NAMPT: variants seen among roughly 807,000 people sequenced by gnomAD.
NAMPT encodes nicotinamide phosphoribosyltransferase.
Under a neutral mutation model 58.7 loss-of-function variants are expected in NAMPT, and 7 were observed. The ratio of observed to expected loss-of-function variants is 0.12; its 90% CI spans 0.07 to 0.22. The LOEUF (loss-of-function observed/expected upper bound fraction) is 0.22. NAMPT is among the 10% of genes least tolerant of loss of function. The pLI is 1.00. For synonymous variants in NAMPT, 145 were observed against 198.1 expected (o/e 0.73, Z 2.25); for missense variants, 271 against 567.9 (o/e 0.48, Z 5.31).
At chr7:106,282,698 A>C (rs1314414727) in intron 1 of NAMPT, among the ~76,000 whole-genome samples, 2 of 152,238 alleles carry the variant, frequency 1.3e-5, no homozygotes, top group African/African-American at 4.8e-5. Context: ...GCTTGCTACC[A>C]TACCATCTAC....
chr7:106,268,921 G>A (rs1792478385), intron 5 of NAMPT, among the ~76,000 whole-genome samples: 1 of 152,082 alleles, frequency 6.6e-6, no homozygotes, highest in African/African-American at 2.4e-5. Context: ...TATTATGTCT[G>A]TTTCTGGCTA....
intron 6 of NAMPT, among the ~76,000 whole-genome samples, chr7:106,265,508 T>A (rs1792392751): frequency 6.7e-6 from 1 of 149,634 alleles, no homozygotes; most frequent in African/African-American, 2.5e-5. Context: ...ATATTTCTCA[T>A]AGTTCTGACT....
rs994013180 is a variant in NAMPT, at chr7:106,282,129, C to G, written c.57+2699G>C. Among the ~76,000 whole-genome samples the G allele has an allele frequency of 1.4e-4, 21 of 151,948 alleles. 1 individual carries two copies. Among genetic ancestry groups the G allele is most frequent in the Admixed American group, 1.2e-3 (19 of 15,274 alleles). Reference sequence around the variant, plus strand: ...AGGCTCAGGTTGACTCAGGAGCCACCGTGACAATACCGAAGCATCCGCTCA... The same window carrying G: ...AGGCTCAGGTTGACTCAGGAGCCACGGTGACAATACCGAAGCATCCGCTCA... On this transcript the variant is annotated intron_variant, in intron 1 of 10. Transcript: ENST00000222553.
chr7:106,267,615 G>A (rs1792438260), intron 6 of NAMPT, among the ~76,000 whole-genome samples: 1 of 151,864 alleles, frequency 6.6e-6, no homozygotes, highest in South Asian at 2.1e-4. Flanking sequence ...GCCGAGGCAG[G>A]CGGATCACGA....
upstream of NAMPT, chr7:106,285,868 C>T (rs1015922705): frequency 6.6e-6 from 1 of 152,206 alleles, no homozygotes; most frequent in African/African-American, 2.4e-5. Context: ...ACGGGCCAAG[C>T]CTTTGACAGG....
At chr7:106,277,214 C>T (rs113166739) in intron 1 of NAMPT, 35 bp from the exon 2 acceptor site, 4 of 1,530,256 alleles carry the variant, frequency 2.6e-6, no homozygotes, top group South Asian at 1.1e-5. Context: ...TAGAAAACAC[C>T]GATGAGTAGA....
intron 1 of NAMPT, among the ~76,000 whole-genome samples, chr7:106,283,636 A>AGG (rs1792807172): frequency 1.3e-5 from 2 of 152,222 alleles, no homozygotes; most frequent in Non-Finnish European, 2.9e-5. Flanking sequence ...ACAATATTCA[A>AGG]GAATCATACT....
At position 106,251,202 on chromosome 7, in the gene NAMPT, A is replaced by G. The variant is rs1184785496; in HGVS notation, c.1366-9T>C. 2 of 1,557,946 alleles carry G rather than the reference A, an allele frequency of 1.3e-6. No individual in the cohort carries two copies. Among genetic ancestry groups the G allele is most frequent in the African/African-American group, 2.7e-5 (2 of 73,590 alleles). On this transcript the variant is annotated splice_polypyrimidine_tract_variant and intron_variant, in intron 10 of 10. Coordinates refer to ENST00000222553, the MANE Select transcript of NAMPT (RefSeq NM_005746.3). Reference sequence around the variant, plus strand: ...ACAGTATGGAGAAGATCCTGCATAAATGGAAATTTCATGATTATATTACAT... The same window carrying G: ...ACAGTATGGAGAAGATCCTGCATAAGTGGAAATTTCATGATTATATTACAT...
intron 1 of NAMPT, chr7:106,284,604 C>A (rs984878391): frequency 4.9e-5 from 16 of 325,274 alleles, no homozygotes; most frequent in African/African-American, 3.4e-4. Context: ...GGCCCCGCCT[C>A]CACCGCCCAG....
At chr7:106,278,487 G>T (rs1792695049) in intron 1 of NAMPT, among the ~76,000 whole-genome samples, 1 of 152,138 alleles carries the variant, frequency 6.6e-6, no homozygotes, top group African/African-American at 2.4e-5. Flanking sequence ...CTCATCAAAA[G>T]CTAGAAGTAT....
chr7:106,283,457 C>G (rs1208184347), intron 1 of NAMPT, among the ~76,000 whole-genome samples: 1 of 152,014 alleles, frequency 6.6e-6, no homozygotes, highest in East Asian at 1.9e-4. Context: ...AAAAATCTGA[C>G]AGTTATTTTA....
Position 106,269,138 on chromosome 7 carries a change from G to T in NAMPT, c.606+16C>A. Reference sequence around the variant, plus strand: ...AATCCACATTATATTAAATGAGGTTGGTTTCAGTTACTTACCTCTTGGGAA... The same window carrying T: ...AATCCACATTATATTAAATGAGGTTTGTTTCAGTTACTTACCTCTTGGGAA... On this transcript the variant is annotated intron_variant, in intron 5 of 10. Coordinates refer to ENST00000222553, the MANE Select transcript of NAMPT (RefSeq NM_005746.3). 6.2e-7 allele frequency: 1 copy of T among 1,600,278 alleles called. No individual in the cohort carries two copies. The highest frequency in any genetic ancestry group is 1.1e-5 in the South Asian group (1 of 89,584).
rs757991674 is a variant in NAMPT, at chr7:106,284,967, C to G, written c.-83G>C. The G allele has an allele frequency of 1.7e-3, 2,526 of 1,528,212 alleles. 1 individual carries two copies. The highest frequency in any genetic ancestry group is 2.1e-3 in the Non-Finnish European group (2,332 of 1,130,852). 94.7% of individuals were successfully genotyped at this position (1,528,212 alleles called of 1,614,324 possible). On this transcript the variant is annotated 5_prime_UTR_variant, in exon 1 of 11. Transcript: ENST00000222553. ...GGAGAAAAATGAGCTTCACCGCGCTCCGTTGCTTAAGTCACTGCTCGGTCG... is the reference window on the plus strand; with the variant it reads ...GGAGAAAAATGAGCTTCACCGCGCTGCGTTGCTTAAGTCACTGCTCGGTCG...
chr7:106,250,312 G>A lies in NAMPT; in HGVS notation c.*771C>T, dbSNP rs1027928108. 3.9e-5 allele frequency: 6 copies of A among 152,224 alleles called. No homozygotes were observed. Among genetic ancestry groups the A allele is most frequent in the African/African-American group, 1.5e-4 (6 of 41,346 alleles). 9.4% of individuals were successfully genotyped at this position (152,224 alleles called of 1,614,324 possible). A position where few individuals can be genotyped will look rare whatever the true frequency, so the allele number is the denominator to read the frequency against. ...TTAAAATCTTGAGGTGCATATTAGA[G>A]CCACAGGCAATCTCTGACATATAAA... On this transcript the variant is annotated 3_prime_UTR_variant, in exon 11 of 11. Transcript: ENST00000222553.
rs756518188 is a variant in NAMPT at position 106,284,896 on chromosome 7, G to A, written c.-12C>T. On this transcript the variant is annotated 5_prime_UTR_variant, in exon 1 of 11. Transcript: ENST00000222553. ...GCCGCAGGATTCATCTCGGGCCGGA[G>A]GACAGGGGCCGCGCGCCGCGAGCTC... is the stretch of plus-strand genomic sequence containing the variant. 51 of 1,581,042 alleles carry A rather than the reference G, an allele frequency of 3.2e-5. No homozygotes were observed. Among genetic ancestry groups the A allele is most frequent in the Non-Finnish European group, 4.3e-5 (50 of 1,162,752 alleles).
chr7:106,276,725 C>A, intron 2 of NAMPT: 1 of 284,782 alleles, frequency 3.5e-6, no homozygotes, highest in Non-Finnish European at 6.9e-6. Flanking sequence ...GCCTGTAATC[C>A]CATCTACTCG....
chr7:106,278,427 G>GT (rs1475228164), intron 1 of NAMPT, among the ~76,000 whole-genome samples: 1 of 152,050 alleles, frequency 6.6e-6, no homozygotes, highest in Admixed American at 6.6e-5. Flanking sequence ...ACTTGGAGCT[G>GT]TTTTCCTTAA....
rs769391281 is a variant in NAMPT at position 106,254,514 on chromosome 7, TAAAAC to T, written c.1090-15_1090-11del. On this transcript the variant is annotated splice_polypyrimidine_tract_variant and intron_variant, in intron 8 of 10. Coordinates refer to ENST00000222553, the MANE Select transcript of NAMPT (RefSeq NM_005746.3). ...TCATGCCTTCTACAATCTAGAAGAT[TAAAAC>T]AAAACAAAACCAAACCAAACCTTAA... is the stretch of plus-strand genomic sequence containing the variant. 1.4e-5 allele frequency: 23 copies of T among 1,612,820 alleles called. No individual in the cohort carries two copies. The highest frequency in any genetic ancestry group is 3.3e-5 in the South Asian group (3 of 91,052).
intron 10 of NAMPT, among the ~76,000 whole-genome samples, chr7:106,251,771 C>T (rs1015681953): frequency 3.3e-5 from 5 of 152,076 alleles, no homozygotes; most frequent in Non-Finnish European, 7.4e-5. Flanking sequence ...TCTGTTTATA[C>T]TCCAAAAGTC....
Sources: gnomAD v4.1 joint callset for allele counts (sites outside exome capture counted in the v4.1 genomes callset) on GRCh38, gnomAD v4.1.1 for gene constraint, MANE v1.5 for transcripts, NCBI Gene and HGNC (gene_info 2026-07-23, HGNC 2026-07-21) for gene names.